Variants in ZFP90 observed in about 807,000 individuals in gnomAD.
ZFP90 encodes the protein zinc finger protein 90 homolog.
In ZFP90, 38 loss-of-function variants were observed where a neutral mutation model predicts 60.8. The observed-to-expected ratio is 0.62, with a 90% CI of 0.48 to 0.82. ZFP90 has a LOEUF of 0.82. Ranked by LOEUF, ZFP90 falls within the 40% of genes least tolerant of loss-of-function variation. The pLI, the probability that ZFP90 is intolerant of heterozygous loss-of-function variation, is 0.00. For synonymous variants in ZFP90, 287 were observed against 264.8 expected (o/e 1.08, Z -0.82); for missense variants, 711 against 759.1 (o/e 0.94, Z 0.74).
At chr16:68,544,694 G>C (rs564317510) in intron 2 of ZFP90, among the ~76,000 whole-genome samples, 5 of 152,160 alleles carry the variant, frequency 3.3e-5, no homozygotes, top group Non-Finnish European at 4.4e-5. Flanking sequence ...TGCTGAATCA[G>C]GTCAGGATGT....
rs747066241 is a variant in ZFP90 at position 68,563,448 on chromosome 16, A to G, written c.661A>G (p.Ile221Val). The change falls in exon 5 of 5, where the codon ATT becomes GTT. Residue 221 changes from isoleucine (I) to valine (V), a missense_variant. Ile to Val is a conservative substitution (Grantham distance 29, BLOSUM62 3). Coordinates refer to ENST00000563169, the MANE Select transcript of ZFP90 (RefSeq NM_001305203.2). ...GTGTGATAAATGTAGAAAAGCCTTT[A>G]TTCATAGATCATCGCTTACTAAACA... ...YKCDKCRKAF[I>V]HRSSLTKHEK... 6.2e-7 allele frequency: 1 copy of G among 1,614,066 alleles called. No homozygotes were observed. The highest frequency in any genetic ancestry group is 8.5e-7 in the Non-Finnish European group (1 of 1,180,012).
intron 2 of ZFP90, 119 bp from the exon 3 acceptor site, chr16:68,557,879 C>G (rs1346057591): frequency 2.2e-6 from 3 of 1,347,892 alleles, no homozygotes; most frequent in Admixed American, 3.7e-5. Flanking sequence ...CCAACATTGC[C>G]TCCTCAATCT....
chr16:68,547,717 T>C (rs2091174892), intron 2 of ZFP90, among the ~76,000 whole-genome samples: 1 of 152,230 alleles, frequency 6.6e-6, no homozygotes, highest in African/African-American at 2.4e-5. Flanking sequence ...CAAAATTTAT[T>C]TAGCCATTTC....
chr16:68,547,610 T>C (rs945433458), intron 2 of ZFP90, among the ~76,000 whole-genome samples: 1 of 152,050 alleles, frequency 6.6e-6, no homozygotes, highest in Non-Finnish European at 1.5e-5. Context: ...TTAATTACAA[T>C]GTATTTTAAA....
intron 2 of ZFP90, chr16:68,574,313 AT>A (rs1475877751): frequency 6.6e-6 from 1 of 150,630 alleles, no homozygotes; most frequent in African/African-American, 2.4e-5. Context: ...CAGAGATGCA[AT>A]CTCATCTTCC....
chr16:68,534,474 T>C (rs879921877), upstream of ZFP90, among the ~76,000 whole-genome samples: 7 of 150,884 alleles, frequency 4.6e-5, no homozygotes, highest in African/African-American at 7.3e-5. Context: ...GTGATCCACC[T>C]GCCTCGGCCT....
chr16:68,550,611 T>G (rs1310492028), intron 2 of ZFP90, among the ~76,000 whole-genome samples: 2 of 152,240 alleles, frequency 1.3e-5, no homozygotes, highest in African/African-American at 4.8e-5. Flanking sequence ...CAAGTGTGAC[T>G]TTTAAGTTTG....
At chr16:68,558,328 C>A in intron 3 of ZFP90, 145 bp from the exon 4 acceptor site, 1 of 1,093,832 alleles carries the variant, frequency 9.1e-7, no homozygotes, top group Non-Finnish European at 1.4e-6. Context: ...TGGAAATAGG[C>A]AATTTGATTG....
In ZFP90 at chr16:68,564,695, C is replaced by T; in HGVS notation, c.1908C>T (p.Leu636=). The part of the protein sequence containing the change: ...KHQRIHTRNK[L] ...AGAGAATTCATACTCGAAATAAACTCTAGGAACCGTGAAATTAAGGAATTT... is the reference window on the plus strand; with the variant it reads ...AGAGAATTCATACTCGAAATAAACTTTAGGAACCGTGAAATTAAGGAATTT... The change falls in exon 5 of 5, where the codon CTC becomes CTT. Residue 636 remains leucine, a synonymous_variant. Coordinates refer to ENST00000563169, the MANE Select transcript of ZFP90 (RefSeq NM_001305203.2). 1.3e-6 allele frequency: 2 copies of T among 1,588,930 alleles called. No individual in the cohort carries two copies. The highest frequency in any genetic ancestry group is 1.7e-6 in the Non-Finnish European group (2 of 1,171,180).
At chr16:68,557,878 C>T in intron 2 of ZFP90, 120 bp from the exon 3 acceptor site, 1 of 1,334,536 alleles carries the variant, frequency 7.5e-7, no homozygotes, top group South Asian at 1.2e-5. Context: ...CCCAACATTG[C>T]CTCCTCAATC....
Position 68,564,660 on chromosome 16 carries a change from A to C in ZFP90, c.1873A>C (p.Thr625Pro), listed in dbSNP as rs2091495228. The change falls in exon 5 of 5, where the codon ACT (threonine) becomes CCT (proline). Residue 625 changes from threonine to proline, a missense_variant. Thr to Pro is a conservative substitution (Grantham distance 38, BLOSUM62 -1). Transcript: ENST00000563169. ...GKNFSRSSALTKHQRIHTRNK... is the reference protein window; with the variant it reads ...GKNFSRSSALPKHQRIHTRNK... The stretch of plus-strand genomic sequence containing the variant: ...AAACTTCAGCCGAAGTTCAGCTCTT[A>C]CTAAACACCAGAGAATTCATACTCG... 1.2e-6 allele frequency: 2 copies of C among 1,612,964 alleles called. No individual in the cohort carries two copies. Among genetic ancestry groups the C allele is most frequent in the Non-Finnish European group, 8.5e-7 (1 of 1,179,712 alleles).
In ZFP90 at chr16:68,564,649, G is replaced by C. The variant is rs761422075; in HGVS notation, c.1862G>C (p.Ser621Thr). The change falls in exon 5 of 5, where the codon AGT becomes ACT. Residue 621 changes from serine (S) to threonine (T), a missense_variant. Around this residue, in one of 5 missense-constraint regions of ZFP90, gnomAD observed 295 missense variants for 274.0 expected, o/e 1.08. Coordinates refer to ENST00000563169, the MANE Select transcript of ZFP90 (RefSeq NM_001305203.2). ...CKECGKNFSRSSALTKHQRIH... is the reference protein window; with the variant it reads ...CKECGKNFSRTSALTKHQRIH... ...GAATGTGGGAAAAACTTCAGCCGAA[G>C]TTCAGCTCTTACTAAACACCAGAGA... 6.2e-7 allele frequency: 1 copy of C among 1,613,874 alleles called. No individual in the cohort carries two copies. Among genetic ancestry groups the C allele is most frequent in the South Asian group, 1.1e-5 (1 of 90,978 alleles).
intron 2 of ZFP90, among the ~76,000 whole-genome samples, chr16:68,575,599 GA>G (rs1194895703): frequency 1.3e-5 from 2 of 148,822 alleles, no homozygotes; most frequent in African/African-American, 2.5e-5. Flanking sequence ...TGACAGTGTA[GA>G]AAACCAATTA....
intron 2 of ZFP90, among the ~76,000 whole-genome samples, chr16:68,543,075 G>T (rs1034651421): frequency 6.6e-6 from 1 of 152,186 alleles, no homozygotes; most frequent in Admixed American, 6.6e-5. Context: ...AAATGATGTG[G>T]TCAGGGTAAG....
At chr16:68,571,317 G>A (rs902979987), downstream of ZFP90, among the ~76,000 whole-genome samples, 1 of 152,120 alleles carries the variant, frequency 6.6e-6, no homozygotes, top group Non-Finnish European at 1.5e-5. Context: ...ATTTAAAATC[G>A]CTATTTTCCA....
At position 68,558,138 on chromosome 16, in the gene ZFP90, C is replaced by T. The variant is rs1255407801; in HGVS notation, c.160+14C>T. 2 of 1,611,906 alleles carry T rather than the reference C, an allele frequency of 1.2e-6. No homozygotes were observed. Among genetic ancestry groups the T allele is most frequent in the Admixed American group, 1.7e-5 (1 of 59,750 alleles). On this transcript the variant is annotated intron_variant, in intron 3 of 4. Transcript: ENST00000563169. Reference sequence around the variant, plus strand: ...TGGTTTCTCTTGGTAAGGACCACTTCTCTGAGTGTCTTTCCTGCTGATGGG... The same window carrying T: ...TGGTTTCTCTTGGTAAGGACCACTTTTCTGAGTGTCTTTCCTGCTGATGGG...
In ZFP90 at chr16:68,564,881, T is replaced by A. The variant is rs1322852147; in HGVS notation, c.*183T>A. ...CATAAAGACACATTCTCAGATCTGA[T>A]TACAGACTAGTGTAAAAACAGCTAC... On this transcript the variant is annotated 3_prime_UTR_variant, in exon 5 of 5. Coordinates refer to ENST00000563169, the MANE Select transcript of ZFP90 (RefSeq NM_001305203.2). 1.5e-6 allele frequency: 2 copies of A among 1,371,764 alleles called. No homozygotes were observed. The highest frequency in any genetic ancestry group is 2.9e-5 in the African/African-American group (2 of 67,820). 85.0% of individuals were successfully genotyped at this position (1,371,764 alleles called of 1,614,324 possible).
intron 2 of ZFP90, among the ~76,000 whole-genome samples, chr16:68,544,142 C>T (rs887305837): frequency 2.6e-5 from 4 of 152,218 alleles, no homozygotes; most frequent in African/African-American, 9.6e-5. Context: ...GTGTGAGCCA[C>T]CACACTGGCT....
In ZFP90 at chr16:68,565,911, A is replaced by G. The variant is rs2091519341; in HGVS notation, c.*1213A>G. On this transcript the variant is annotated 3_prime_UTR_variant, in exon 5 of 5. Coordinates refer to ENST00000563169, the MANE Select transcript of ZFP90 (RefSeq NM_001305203.2). ...TGGCTAAGGCAGATAGACTGCTTGA[A>G]CCCAGGAGTTCAAGACCAGCCTGGA... 3 of 923,978 alleles carry G rather than the reference A, an allele frequency of 3.2e-6. No individual in the cohort carries two copies. The highest frequency in any genetic ancestry group is 3.9e-6 in the Non-Finnish European group (3 of 774,432). The allele number at this position is 923,978 out of a possible 1,614,324, so 57.2% of individuals were successfully genotyped here. A position where few individuals can be genotyped will look rare whatever the true frequency, so the allele number is the denominator to read the frequency against.
Sources: gnomAD v4.1 joint callset for allele counts (sites outside exome capture counted in the v4.1 genomes callset) on GRCh38, gnomAD v4.1.1 for gene constraint, gnomAD v4.1.1 regional missense constraint, MANE v1.5 for transcripts, NCBI Gene and HGNC (gene_info 2026-07-23, HGNC 2026-07-21) for gene names.